Variants in STMN3 observed in about 807,000 individuals in gnomAD.
STMN3 encodes the protein stathmin 3.
A neutral mutation model predicts 23.2 loss-of-function variants in STMN3; 24 were observed. That is an observed-to-expected ratio of 1.03 (90% CI 0.75 to 1.45). STMN3 has a LOEUF of 1.45. STMN3 is among the 40% of genes most tolerant of loss of function. The pLI is 0.00. For synonymous variants in STMN3, 117 were observed against 103.4 expected (o/e 1.13, Z -0.80); for missense variants, 235 against 237.6 (o/e 0.99, Z 0.07).
chr20:63,642,378 C>T (rs920316843), intron 3 of STMN3, 79 bp from the exon 4 acceptor site: 77 of 1,103,640 alleles, frequency 7.0e-5, no homozygotes, highest in Non-Finnish European at 8.9e-5. Flanking sequence ...CTCCGCCTCC[C>T]GCCCAGCGCC....
Position 63,643,747 on chromosome 20 carries a change from A to G in STMN3, c.291+9T>C. On this transcript the variant is annotated intron_variant, in intron 3 of 4. Coordinates refer to ENST00000370053, the MANE Select transcript of STMN3 (RefSeq NM_015894.4). The stretch of plus-strand genomic sequence containing the variant: ...ACTCCTGGGGGGTGGGGGATGGAGG[A>G]CTCCTTGCCTTCCTCCGCTCCTCGG... 3 of 1,524,998 alleles carry G rather than the reference A, an allele frequency of 2.0e-6. No individual in the cohort carries two copies. Among genetic ancestry groups the G allele is most frequent in the Non-Finnish European group, 2.6e-6 (3 of 1,146,142 alleles). 94.5% of individuals were successfully genotyped at this position (1,524,998 alleles called of 1,614,324 possible). A position where few individuals can be genotyped will look rare whatever the true frequency, so the allele number is the denominator to read the frequency against.
At chr20:63,642,768 A>G (rs2089779279) in intron 3 of STMN3, among the ~76,000 whole-genome samples, 2 of 152,052 alleles carry the variant, frequency 1.3e-5, no homozygotes, top group Non-Finnish European at 2.9e-5. Flanking sequence ...CCAGGAGCGG[A>G]GGGTCCCCAG....
At chr20:63,644,933 A>C (rs1355230480) in intron 1 of STMN3, among the ~76,000 whole-genome samples, 1 of 151,310 alleles carries the variant, frequency 6.6e-6, no homozygotes, top group Non-Finnish European at 1.5e-5. Flanking sequence ...TCTATAAACC[A>C]CTCAGTCTCA....
Position 63,652,869 on chromosome 20 carries a change from C to T in STMN3, c.19+458G>A, listed in dbSNP as rs554201318. 4.2e-5 allele frequency: 37 copies of T among 876,006 alleles called. 2 individuals are homozygous for T. The African/African-American group carries it at 4.7e-4, about 11-fold the overall frequency. 54.3% of individuals were successfully genotyped at this position (876,006 alleles called of 1,614,324 possible). On this transcript the variant is annotated intron_variant, in intron 1 of 4. Transcript: ENST00000370053. This position sits in a 1 kb window ranked among gnomAD's most constrained non-coding sequence, Gnocchi z 5.3. ...CCCTGTGCTGCACTGGCGCGGGGAG[C>T]GCCGGGTTCCCGGCTGGGGCTTTGG... is the stretch of plus-strand genomic sequence containing the variant.
rs777910156 is a variant in STMN3 at position 63,643,783 on chromosome 20, C to T, written c.264G>A (p.Arg88=). ...KDTSLEELQK[R]LEAAEERRKT... ...TCCTCCGCTCCTCGGCTGCCTCCAGCCGCTTTTGCAGCTCCTCCAGGGAGG... is the reference window on the plus strand; with the variant it reads ...TCCTCCGCTCCTCGGCTGCCTCCAGTCGCTTTTGCAGCTCCTCCAGGGAGG... Residue 88 remains arginine (R), a synonymous_variant, in exon 3 of 5, where the codon CGG becomes CGA. Transcript: ENST00000370053. The T allele has an allele frequency of 2.2e-5, 34 of 1,553,864 alleles. No individual in the cohort carries two copies. Among genetic ancestry groups the T allele is most frequent in the Non-Finnish European group, 2.5e-5 (29 of 1,159,132 alleles).
In STMN3 at chr20:63,652,369, C is replaced by T. The variant is rs565454905; in HGVS notation, c.19+958G>A. ...GAGGTGCGGCCCTTCGTCCTGTCCT[C>T]CCAAACGTCGAGTGAAAAACGAAGC... On this transcript the variant is annotated intron_variant, in intron 1 of 4. Coordinates refer to ENST00000370053, the MANE Select transcript of STMN3 (RefSeq NM_015894.4). The surrounding 1 kb of genome is among the most constrained non-coding windows in gnomAD (Gnocchi z 5.3). 1.2e-5 allele frequency: 2 copies of T among 167,048 alleles called. No homozygotes were observed. Among genetic ancestry groups the T allele is most frequent in the South Asian group, 3.9e-4 (2 of 5,114 alleles). 10.3% of individuals were successfully genotyped at this position (167,048 alleles called of 1,614,324 possible). A position where few individuals can be genotyped will look rare whatever the true frequency, so the allele number is the denominator to read the frequency against.
chr20:63,648,697 C>T (rs191071700), intron 1 of STMN3, among the ~76,000 whole-genome samples: 2 of 152,288 alleles, frequency 1.3e-5, no homozygotes, highest in Admixed American at 1.3e-4. Flanking sequence ...GATTGTGCCA[C>T]TGCGTTCCAG....
chr20:63,646,318 G>T lies in STMN3; in HGVS notation c.20-2009C>A, dbSNP rs113042387. Among the ~76,000 whole-genome samples, 1,274 of 152,102 alleles carry T rather than the reference G, an allele frequency of 8.4e-3. 26 individuals carry two copies. The highest frequency in any genetic ancestry group is 0.029 in the African/African-American group (1,194 of 41,430). On this transcript the variant is annotated intron_variant, in intron 1 of 4. Transcript: ENST00000370053. ...AGGGAGATGGAGGGGGACCAGGTGG[G>T]GGAGCCTCACAGGGGACTTTGGTCT...
At chr20:63,642,628 T>G (rs2089778312) in intron 3 of STMN3, among the ~76,000 whole-genome samples, 1 of 152,070 alleles carries the variant, frequency 6.6e-6, no homozygotes, top group South Asian at 2.1e-4. Flanking sequence ...CGTCTGCCCC[T>G]CCAAGGACCA....
rs1482211173 is a variant in STMN3 at position 63,647,035 on chromosome 20, T to C, written c.20-2726A>G. Among the ~76,000 whole-genome samples the C allele has an allele frequency of 1.3e-4, 19 of 151,962 alleles. 1 individual carries two copies. The highest frequency in any genetic ancestry group is 3.9e-4 in the African/African-American group (16 of 41,400). Reference sequence around the variant, plus strand: ...AAAAAAAGAAAAAAATAGCTGGGCGTGGTGGCTCATGCCTGTAATCCCAGC... The same window carrying C: ...AAAAAAAGAAAAAAATAGCTGGGCGCGGTGGCTCATGCCTGTAATCCCAGC... On this transcript the variant is annotated intron_variant, in intron 1 of 4. Coordinates refer to ENST00000370053, the MANE Select transcript of STMN3 (RefSeq NM_015894.4).
chr20:63,644,294 ATCT>A lies in STMN3; in HGVS notation c.32_34del (p.Lys11del). ...GAGCGACAGCACCGACAGCTCCTTCATCTTCTCCTTGTAGGCTGTGGGCACAAG... is the reference window on the plus strand; with the variant it reads ...GAGCGACAGCACCGACAGCTCCTTCATCTCCTTGTAGGCTGTGGGCACAAG... On this transcript the variant is annotated inframe_deletion, in exon 2 of 5. Coordinates refer to ENST00000370053, the MANE Select transcript of STMN3 (RefSeq NM_015894.4). The A allele has an allele frequency of 1.9e-6, 3 of 1,613,118 alleles. No homozygotes were observed. Among genetic ancestry groups the A allele is most frequent in the Non-Finnish European group, 2.5e-6 (3 of 1,179,702 alleles).
chr20:63,647,742 C>A (rs561597163), intron 1 of STMN3, among the ~76,000 whole-genome samples: 30 of 109,868 alleles, frequency 2.7e-4, no homozygotes, highest in Middle Eastern at 5.0e-3. Flanking sequence ...TATATATACA[C>A]GTGTATATAT....
chr20:63,647,745 G>A (rs1243328286), intron 1 of STMN3, among the ~76,000 whole-genome samples: 3 of 111,696 alleles, frequency 2.7e-5, no homozygotes, highest in African/African-American at 9.7e-5. Context: ...ATATACACGT[G>A]TATATATATA....
intron 1 of STMN3, among the ~76,000 whole-genome samples, chr20:63,646,454 A>C (rs1373987581): frequency 6.6e-6 from 1 of 151,222 alleles, no homozygotes; most frequent in Non-Finnish European, 1.5e-5. Context: ...TCCTGGGTTC[A>C]CACCATTCTC....
Position 63,652,896 on chromosome 20 carries a change from A to G in STMN3, c.19+431T>C, listed in dbSNP as rs1372977977. ...CCGGGTTCCCGGCTGGGGCTTTGGC[A>G]GAGGGTCCCACCCTCTCCCCGCCTC... On this transcript the variant is annotated intron_variant, in intron 1 of 4. Transcript: ENST00000370053. This position sits in a 1 kb window ranked among gnomAD's most constrained non-coding sequence, Gnocchi z 5.3. The G allele has an allele frequency of 1.2e-5, 8 of 659,498 alleles. No homozygotes were observed. The highest frequency in any genetic ancestry group is 1.5e-5 in the Non-Finnish European group (8 of 532,786). The allele number at this position is 659,498 out of a possible 1,614,324, so 40.9% of individuals were successfully genotyped here. A position where few individuals can be genotyped will look rare whatever the true frequency, so the allele number is the denominator to read the frequency against.
In STMN3 at chr20:63,646,487, T is replaced by A. The variant is rs1207788118; in HGVS notation, c.20-2178A>T. ...CTCCTGCCTCAGCCTCCCGAGTAGC[T>A]GGGACCACAGGCACCGCCACCACAC... On this transcript the variant is annotated intron_variant, in intron 1 of 4. Transcript: ENST00000370053. 6.6e-5 allele frequency among the ~76,000 whole-genome samples: 10 copies of A among 150,512 alleles called. 1 individual carries two copies. The highest frequency in any genetic ancestry group is 1.2e-4 in the Non-Finnish European group (8 of 67,490).
chr20:63,641,161 T>C lies in STMN3; in HGVS notation c.*177A>G. On this transcript the variant is annotated 3_prime_UTR_variant, in exon 5 of 5. Transcript: ENST00000370053. The stretch of plus-strand genomic sequence containing the variant: ...CCGGCGGCTCCTGCAGGGGAAGCCG[T>C]GGTCAGCGACTCACCACGAGGACAG... 3 of 665,218 alleles carry C rather than the reference T, an allele frequency of 4.5e-6. No homozygotes were observed. The highest frequency in any genetic ancestry group is 8.2e-6 in the Non-Finnish European group (3 of 367,896). 41.2% of individuals were successfully genotyped at this position (665,218 alleles called of 1,614,324 possible).
chr20:63,647,990 A>ATATG (rs2089831338), intron 1 of STMN3, among the ~76,000 whole-genome samples: 1 of 108,222 alleles, frequency 9.2e-6, no homozygotes, highest in African/African-American at 3.9e-5. Context: ...ACATATATAT[A>ATATG]TACAGAGAGA....
chr20:63,642,264 C>A lies in STMN3; in HGVS notation c.327G>T (p.Glu109Asp). The A allele has an allele frequency of 6.5e-7, 1 of 1,544,636 alleles. No homozygotes were observed. Among genetic ancestry groups the A allele is most frequent in the Non-Finnish European group, 8.7e-7 (1 of 1,147,136 alleles). Reference protein sequence around the residue: ...QEAQVLKQLAERREHEREVLH... With the variant: ...QEAQVLKQLADRREHEREVLH... ...GCACCTCGCGCTCGTGCTCGCGCCG[C>A]TCCGCCAGCTGCTTCAGCACCTGCG... Residue 109 changes from glutamate (E) to aspartate (D), a missense_variant, in exon 4 of 5, where the codon GAG (glutamate) becomes GAT (aspartate). Physicochemically the swap from Glu to Asp is conservative, Grantham distance 45 (BLOSUM62 2). Transcript: ENST00000370053.
Sources: gnomAD v4.1 joint callset for allele counts (sites outside exome capture counted in the v4.1 genomes callset) on GRCh38, gnomAD v4.1.1 for gene constraint, Gnocchi (gnomAD v3.1) non-coding constraint, MANE v1.5 for transcripts, NCBI Gene and HGNC (gene_info 2026-07-23, HGNC 2026-07-21) for gene names.